PPP1R12B: variants seen among roughly 807,000 people sequenced by gnomAD.
PPP1R12B encodes the protein protein phosphatase 1 regulatory subunit 12B.
In PPP1R12B, 76 loss-of-function variants were observed where a neutral mutation model predicts 126.1. The observed-to-expected ratio is 0.60, with a 90% CI of 0.50 to 0.73. The LOEUF is 0.73. Among genes scored for constraint, PPP1R12B ranks in the 30% least tolerant of loss-of-function variants. PPP1R12B has a pLI of 0.00. For synonymous variants in PPP1R12B, 356 were observed against 434.7 expected, an observed-to-expected ratio of 0.82 and a Z score of 2.25; for missense variants, 1,052 against 1,205.1, an observed-to-expected ratio of 0.87 and a Z score of 1.88.
intron 9 of PPP1R12B, 133 bp downstream of exon 9, chr1:202,434,901 C>CA: frequency 7.1e-7 from 1 of 1,413,038 alleles, no homozygotes; most frequent in African/African-American, 1.5e-5. Flanking sequence ...GCTCCCATAA[C>CA]AAAAAACACA....
intron 18 of PPP1R12B, among the ~76,000 whole-genome samples, chr1:202,512,896 C>A (rs1235416093): frequency 3.3e-5 from 5 of 152,174 alleles, no homozygotes; most frequent in Admixed American, 1.3e-4. Flanking sequence ...GACTAGGTTT[C>A]CCCTAGCACT....
At chr1:202,389,724 C>T (rs1186536427) in intron 1 of PPP1R12B, among the ~76,000 whole-genome samples, 35 of 152,036 alleles carry the variant, frequency 2.3e-4, no homozygotes, top group African/African-American at 8.0e-4. Context: ...GTCAGGAGTT[C>T]GAGACCAGCC....
At chr1:202,480,352 C>G (rs1677191452) in intron 13 of PPP1R12B, among the ~76,000 whole-genome samples, 1 of 152,034 alleles carries the variant, frequency 6.6e-6, no homozygotes, top group South Asian at 2.1e-4. Context: ...CTGGAAAATG[C>G]AGAAAAAGCA....
intron 1 of PPP1R12B, among the ~76,000 whole-genome samples, chr1:202,398,869 T>C (rs1322785686): frequency 6.6e-6 from 1 of 152,108 alleles, no homozygotes; most frequent in African/African-American, 2.4e-5. Flanking sequence ...AAGAGAAGGC[T>C]CAAAAAAGGG....
At chr1:202,424,747 C>T (rs1176839449) in intron 3 of PPP1R12B, among the ~76,000 whole-genome samples, 2 of 152,266 alleles carry the variant, frequency 1.3e-5, no homozygotes, top group South Asian at 2.1e-4. Context: ...GGGTATGCCT[C>T]ACCCTAACCC....
chr1:202,540,216 C>T (rs1193082950), intron 18 of PPP1R12B: 7 of 1,609,202 alleles, frequency 4.3e-6, no homozygotes, highest in African/African-American at 2.7e-5. Flanking sequence ...CCAGCATCTC[C>T]CTCCCCGACT....
In PPP1R12B at chr1:202,578,872, G is replaced by A. The variant is rs76726614; in HGVS notation, c.2863-1602G>A. Among the ~76,000 whole-genome samples, 703 of 152,316 alleles carry A rather than the reference G, an allele frequency of 4.6e-3. 4 individuals are homozygous for A. Among genetic ancestry groups the A allele is most frequent in the Non-Finnish European group, 7.8e-3 (528 of 68,026 alleles). ...ATCACTAGTGACAAAGACAATGCTG[G>A]AATTTCAGTTTCTAGGCGTCAAACA... On this transcript the variant is annotated intron_variant, in intron 23 of 23. Coordinates refer to ENST00000608999, the MANE Select transcript of PPP1R12B (RefSeq NM_002481.4).
rs538639212 is a variant in PPP1R12B, at chr1:202,574,899, A to C, written c.2863-5575A>C. On this transcript the variant is annotated intron_variant, in intron 23 of 23. Coordinates refer to ENST00000608999, the MANE Select transcript of PPP1R12B (RefSeq NM_002481.4). ...TCTTGCATGCAAACTAAAAACAAAA[A>C]CAAAAAGTCATGTGATTTCTTTGTC... 254 of 1,222,704 alleles carry C rather than the reference A, an allele frequency of 2.1e-4. 3 individuals carry two copies. The South Asian group carries it at 3.4e-3, about 16-fold the overall frequency. 75.7% of individuals were successfully genotyped at this position (1,222,704 alleles called of 1,614,324 possible).
chr1:202,473,688 T>C (rs1407478208), intron 13 of PPP1R12B, among the ~76,000 whole-genome samples: 1 of 152,262 alleles, frequency 6.6e-6, no homozygotes, highest in Non-Finnish European at 1.5e-5. Context: ...ATTAGCAGCA[T>C]TGGCTCTGCC....
chr1:202,567,181 C>T lies in PPP1R12B; in HGVS notation c.2758-597C>T, dbSNP rs1416285649. On this transcript the variant is annotated intron_variant, in intron 21 of 23. Transcript: ENST00000608999. ...TAAGACAGATGAAAGTGGACTACCTCTGTTCAAAGCAGGGCAGATGCCATG... is the reference window on the plus strand; with the variant it reads ...TAAGACAGATGAAAGTGGACTACCTTTGTTCAAAGCAGGGCAGATGCCATG... Among the ~76,000 whole-genome samples the T allele has an allele frequency of 3.9e-5, 6 of 152,308 alleles. No individual in the cohort carries two copies. In the East Asian group the frequency reaches 1.2e-3, roughly 29 times the overall value.
At position 202,396,358 on chromosome 1, in the gene PPP1R12B, T is replaced by C. The variant is rs557966146; in HGVS notation, c.292-20429T>C. On this transcript the variant is annotated intron_variant, in intron 1 of 23. Transcript: ENST00000608999. ...CTAAAAATGATGATGATGATAATAA[T>C]AGTAATATTTATCTTATTAGCTTGC... Among the ~76,000 whole-genome samples, 6 of 152,286 alleles carry C rather than the reference T, an allele frequency of 3.9e-5. No homozygotes were observed. In the South Asian group the frequency reaches 1.2e-3, roughly 32 times the overall value.
chr1:202,524,129 C>A (rs978556566), intron 18 of PPP1R12B, among the ~76,000 whole-genome samples: 2 of 152,144 alleles, frequency 1.3e-5, no homozygotes, highest in African/African-American at 4.8e-5. Flanking sequence ...ATGACAGGGG[C>A]TTGGATCACA....
intron 1 of PPP1R12B, among the ~76,000 whole-genome samples, chr1:202,377,347 G>C (rs1219549265): frequency 1.3e-5 from 2 of 151,380 alleles, no homozygotes; most frequent in South Asian, 4.2e-4. Flanking sequence ...CTGTCGCCCA[G>C]GCTGGAGTTC....
At chr1:202,368,854 C>T (rs12118301) in intron 1 of PPP1R12B, among the ~76,000 whole-genome samples, 10,771 of 152,194 alleles carry the variant, frequency 0.071, 485 homozygotes, top group Middle Eastern at 0.14. Flanking sequence ...ACCTCAGCCT[C>T]CTGAGTAGCT....
chr1:202,490,130 A>G (rs1208420283), intron 14 of PPP1R12B, among the ~76,000 whole-genome samples: 1 of 152,254 alleles, frequency 6.6e-6, no homozygotes, highest in Admixed American at 6.5e-5. Flanking sequence ...TATTGAAAGA[A>G]GCAAAGAAAG....
intron 18 of PPP1R12B, among the ~76,000 whole-genome samples, chr1:202,546,997 A>G (rs1220225723): frequency 6.6e-6 from 1 of 151,764 alleles, no homozygotes; most frequent in Non-Finnish European, 1.5e-5. Context: ...GTTCAAAGGT[A>G]TTGTGGTCAA....
At chr1:202,457,581 C>T (rs1370793774) in intron 13 of PPP1R12B, among the ~76,000 whole-genome samples, 4 of 149,594 alleles carry the variant, frequency 2.7e-5, no homozygotes, top group African/African-American at 9.8e-5. Flanking sequence ...AGAAAGAAAA[C>T]ATTTTTTCTA....
intron 18 of PPP1R12B, among the ~76,000 whole-genome samples, chr1:202,503,692 G>A (rs187005295): frequency 1.5e-4 from 23 of 152,208 alleles, no homozygotes; most frequent in Non-Finnish European, 2.9e-4. Flanking sequence ...CTGACCCTGA[G>A]AATATGGATG....
rs571212216 is a variant in PPP1R12B, at chr1:202,383,583, G to C, written c.292-33204G>C. 1.2e-4 allele frequency among the ~76,000 whole-genome samples: 18 copies of C among 152,168 alleles called. No individual in the cohort carries two copies. The South Asian group carries it at 3.7e-3, about 32-fold the overall frequency. On this transcript the variant is annotated intron_variant, in intron 1 of 23. Coordinates refer to ENST00000608999, the MANE Select transcript of PPP1R12B (RefSeq NM_002481.4). ...TATTAAAAATACAAAAATTAACTGG[G>C]TGTGGGGGCACACGCCTGTAATCAC...
Sources: gnomAD v4.1 joint callset for allele counts (sites outside exome capture counted in the v4.1 genomes callset) on GRCh38, gnomAD v4.1.1 for gene constraint, MANE v1.5 for transcripts, NCBI Gene and HGNC (gene_info 2026-07-23, HGNC 2026-07-21) for gene names.